The following SLC4A4 variants were observed in gnomAD, a reference collection of about 807,000 sequenced individuals.
SLC4A4 encodes the protein electrogenic sodium bicarbonate cotransporter 1.
A neutral mutation model predicts 111.5 loss-of-function variants in SLC4A4; 27 were observed. The observed-to-expected ratio is 0.24, with a 90% confidence interval of 0.18 to 0.33. The LOEUF (loss-of-function observed/expected upper bound fraction) is 0.33, where lower values mean the gene tolerates loss of function less well. SLC4A4 is among the 10% of genes least tolerant of loss of function. The pLI, the probability that SLC4A4 is intolerant of heterozygous loss-of-function variation, is 1.00. For missense variants in SLC4A4, 909 were observed against 1,315.5 expected, an observed-to-expected ratio of 0.69 and a Z score of 4.78; for synonymous variants, 443 against 463.4, an observed-to-expected ratio of 0.96 and a Z score of 0.57.
chr4:71,341,941 C>G (rs1279632731), intron 4 of SLC4A4, among the ~76,000 whole-genome samples: 1 of 151,958 alleles, frequency 6.6e-6, no homozygotes, highest in Non-Finnish European at 1.5e-5. Context: ...ACTCCTAGCC[C>G]CAACAGTAGT....
rs186061977 is a variant in SLC4A4, at chr4:71,085,696, G to A, written c.-64-7034G>A. 2.0e-5 allele frequency among the ~76,000 whole-genome samples: 3 copies of A among 152,134 alleles called. No homozygotes were observed. The East Asian group carries it at 5.8e-4, about 29-fold the overall frequency. On this transcript the variant is annotated intron_variant, in intron 1 of 26. Coordinates refer to the SLC4A4 transcript ENST00000649996. The stretch of plus-strand genomic sequence containing the variant: ...CCCATTGCTTGTTTTTGTCAGGTTT[G>A]TCAAAGATCAGATAGTTGTAGATTT...
chr4:71,263,373 C>T (rs1333024405), intron 3 of SLC4A4, among the ~76,000 whole-genome samples: 1 of 152,108 alleles, frequency 6.6e-6, no homozygotes, highest in Non-Finnish European at 1.5e-5. Context: ...GGTGACTTAC[C>T]TCTGTCATTC....
intron 2 of SLC4A4, among the ~76,000 whole-genome samples, chr4:71,120,969 C>T (rs111637086): frequency 0.022 from 3,367 of 152,308 alleles, 124 homozygotes; most frequent in African/African-American, 0.075. Context: ...GCCGCCCTCG[C>T]GGGCCAGCAC....
chr4:71,535,861 A>C (rs201496086), intron 18 of SLC4A4, among the ~76,000 whole-genome samples: 11 of 151,648 alleles, frequency 7.3e-5, no homozygotes, highest in African/African-American at 1.5e-4. Context: ...ACAAACAAAC[A>C]AAACAAACAA....
intron 1 of SLC4A4, among the ~76,000 whole-genome samples, chr4:71,222,343 A>G (rs1255739300): frequency 6.6e-6 from 1 of 152,118 alleles, no homozygotes; most frequent in Non-Finnish European, 1.5e-5. Flanking sequence ...TCAATCTTTG[A>G]TCAACTATCA....
At chr4:71,479,219 C>T (rs976791955) in intron 14 of SLC4A4, among the ~76,000 whole-genome samples, 1 of 151,666 alleles carries the variant, frequency 6.6e-6, no homozygotes, top group African/African-American at 2.4e-5. Flanking sequence ...GAACCAAGTG[C>T]ATCCCTGTCT....
intron 3 of SLC4A4, among the ~76,000 whole-genome samples, chr4:71,258,092 G>T (rs1220275346): frequency 6.6e-6 from 1 of 152,110 alleles, no homozygotes; most frequent in African/African-American, 2.4e-5. Flanking sequence ...ACTTCCCATT[G>T]TCCTAAGAAT....
At chr4:71,225,083 G>T (rs185588390) in intron 1 of SLC4A4, among the ~76,000 whole-genome samples, 1 of 152,298 alleles carries the variant, frequency 6.6e-6, no homozygotes, top group East Asian at 1.9e-4. Context: ...CAGGTGCGGT[G>T]GCTCACGCCT....
chr4:71,403,235 T>C (rs898568943), intron 7 of SLC4A4, among the ~76,000 whole-genome samples: 1 of 152,192 alleles, frequency 6.6e-6, no homozygotes, highest in Non-Finnish European at 1.5e-5. Context: ...TGGTTTTAAG[T>C]AACTGCGCTA....
intron 2 of SLC4A4, among the ~76,000 whole-genome samples, chr4:71,241,867 A>G (rs1460107564): frequency 1.3e-5 from 2 of 152,254 alleles, no homozygotes; most frequent in African/African-American, 2.4e-5. Context: ...GGTTGAGCCC[A>G]TACAGACCTT....
Position 71,261,135 on chromosome 4 carries a change from T to A in SLC4A4, c.253+5736T>A, listed in dbSNP as rs573678676. ...GCATATTTGAGAGAAGCAACCTAAA[T>A]TCAGTCTCTTATCTTGCCAGTGAGT... On this transcript the variant is annotated intron_variant, in intron 3 of 25. Coordinates refer to ENST00000264485, the MANE Select transcript of SLC4A4 (RefSeq NM_001098484.3). Among the ~76,000 whole-genome samples the A allele has an allele frequency of 9.2e-5, 14 of 152,288 alleles. No homozygotes were observed. In the East Asian group the frequency reaches 2.7e-3, roughly 29 times the overall value.
intron 16 of SLC4A4, among the ~76,000 whole-genome samples, chr4:71,512,290 G>A (rs76771813): frequency 0.014 from 2,121 of 152,048 alleles, 52 homozygotes; most frequent in East Asian, 0.09. Flanking sequence ...CTCTTTCTCT[G>A]CATCCTTGTC....
chr4:71,268,075 GTTTTT>G (rs10657146), intron 3 of SLC4A4, among the ~76,000 whole-genome samples: 7 of 87,588 alleles, frequency 8.0e-5, no homozygotes, highest in East Asian at 4.0e-4. Flanking sequence ...ATAAAGTAGT[GTTTTT>G]TTTTTTTTTT....
rs116133889 is a variant in SLC4A4, at chr4:71,538,410, C to T, written c.2442+4022C>T. Reference sequence around the variant, plus strand: ...TTCAGAATTGCCACTTGAAATCATTCTTTTGAATAATGAGAGTTATGGAAT... The same window carrying T: ...TTCAGAATTGCCACTTGAAATCATTTTTTTGAATAATGAGAGTTATGGAAT... On this transcript the variant is annotated intron_variant, in intron 18 of 25. Coordinates refer to ENST00000264485, the MANE Select transcript of SLC4A4 (RefSeq NM_001098484.3). Among the ~76,000 whole-genome samples, 478 of 152,152 alleles carry T rather than the reference C, an allele frequency of 3.1e-3. 2 individuals are homozygous for T. Among genetic ancestry groups the T allele is most frequent in the African/African-American group, 0.011 (467 of 41,528 alleles).
At chr4:71,134,013 T>C (rs957603962) in intron 2 of SLC4A4, among the ~76,000 whole-genome samples, 3 of 152,122 alleles carry the variant, frequency 2.0e-5, no homozygotes, top group African/African-American at 7.2e-5. Flanking sequence ...CCTGAATGCA[T>C]TGAGGTATAC....
intron 2 of SLC4A4, among the ~76,000 whole-genome samples, chr4:71,155,812 T>A (rs1406025042): frequency 6.6e-6 from 1 of 152,156 alleles, no homozygotes; most frequent in Non-Finnish European, 1.5e-5. Flanking sequence ...TGTATGAATT[T>A]ATCAGAATAA....
chr4:71,283,538 T>G (rs1301126530), intron 3 of SLC4A4, among the ~76,000 whole-genome samples: 1 of 152,190 alleles, frequency 6.6e-6, no homozygotes, highest in African/African-American at 2.4e-5. Flanking sequence ...GCCAGGTCCA[T>G]AGCCTCGTTA....
intron 23 of SLC4A4, among the ~76,000 whole-genome samples, 179 bp downstream of exon 23, chr4:71,560,433 C>G (rs1736875382): frequency 6.6e-6 from 1 of 151,106 alleles, no homozygotes; most frequent in Non-Finnish European, 1.5e-5. Context: ...TTTATGTTTT[C>G]TGAATTCTTT....
At chr4:71,275,757 C>T (rs1723023685) in intron 3 of SLC4A4, among the ~76,000 whole-genome samples, 1 of 152,248 alleles carries the variant, frequency 6.6e-6, no homozygotes, top group African/African-American at 2.4e-5. Context: ...TACCACACCA[C>T]ATTTCCTTCC....
Sources: allele counts gnomAD v4.1 joint callset (sites outside exome capture counted in the v4.1 genomes callset), GRCh38; gene constraint gnomAD v4.1.1; transcripts MANE v1.5; gene names NCBI Gene and HGNC (gene_info 2026-07-23, HGNC 2026-07-21).